Variants in UNC5C observed in about 807,000 individuals in gnomAD.
UNC5C encodes the protein netrin receptor UNC5C.
A neutral mutation model predicts 99.8 loss-of-function variants in UNC5C; 47 were observed. The observed-to-expected ratio is 0.47, with a 90% CI of 0.37 to 0.60. The LOEUF (loss-of-function observed/expected upper bound fraction) is 0.60. Ranked by LOEUF, UNC5C falls within the 20% of genes least tolerant of loss-of-function variation. The probability of loss-of-function intolerance (pLI) is 0.00; values close to 1 mark genes in which losing one functional copy is unlikely to be tolerated. For synonymous variants in UNC5C, 487 were observed against 452.2 expected (o/e 1.08, Z -0.98); for missense variants, 1,062 against 1,165.9 (o/e 0.91, Z 1.30).
intron 2 of UNC5C, among the ~76,000 whole-genome samples, chr4:95,328,062 A>ATTT (rs71583698): frequency 3.9e-4 from 34 of 86,596 alleles, no homozygotes; most frequent in Middle Eastern, 7.2e-3. Context: ...TTTTTTTTTA[A>ATTT]TTTTTTTTTT....
At chr4:95,431,814 C>T (rs946998938) in intron 1 of UNC5C, among the ~76,000 whole-genome samples, 1 of 152,004 alleles carries the variant, frequency 6.6e-6, no homozygotes, top group Admixed American at 6.6e-5. Flanking sequence ...TGCTGAAACA[C>T]AGGGGACTTA....
chr4:95,250,960 T>C (rs2149382141), intron 4 of UNC5C, among the ~76,000 whole-genome samples: 1 of 152,356 alleles, frequency 6.6e-6, no homozygotes, highest in Middle Eastern at 3.4e-3. Context: ...CAAATTGTTT[T>C]CACTTTGCCC....
At position 95,336,888 on chromosome 4, in the gene UNC5C, T is replaced by A. The variant is rs116055154; in HGVS notation, c.125-1257A>T. Among the ~76,000 whole-genome samples the A allele has an allele frequency of 4.9e-3, 741 of 152,082 alleles. 5 individuals carry two copies. The highest frequency in any genetic ancestry group is 0.017 in the African/African-American group (710 of 41,562). On this transcript the variant is annotated intron_variant, in intron 1 of 15. Transcript: ENST00000453304. ...GGCATCATTTCTAGTTTTTCCATTG[T>A]TGAACATCAAGGACCAAAATTGTCA...
chr4:95,195,840 G>A (rs987009793), intron 12 of UNC5C, among the ~76,000 whole-genome samples: 2 of 151,238 alleles, frequency 1.3e-5, no homozygotes, highest in African/African-American at 4.9e-5. Flanking sequence ...CTCTATTACA[G>A]TTGGGATTAG....
intron 1 of UNC5C, among the ~76,000 whole-genome samples, chr4:95,342,820 C>T (rs1199885350): frequency 1.3e-5 from 2 of 151,830 alleles, no homozygotes; most frequent in Non-Finnish European, 2.9e-5. Flanking sequence ...AGAGTCACCA[C>T]AAGCTGACTG....
In UNC5C at chr4:95,236,081, T is replaced by C. The variant is rs541131494; in HGVS notation, c.1108+6348A>G. ...CCATTTGACCCAACCATCCCATTAC[T>C]GGGTATATACCCAAAGGATTATAAA... On this transcript the variant is annotated intron_variant, in intron 7 of 15. Transcript: ENST00000453304. Among the ~76,000 whole-genome samples the C allele has an allele frequency of 3.3e-3, 505 of 152,340 alleles. 1 individual carries two copies. Among genetic ancestry groups the C allele is most frequent in the Admixed American group, 5.5e-3 (84 of 15,298 alleles).
chr4:95,233,538 T>C (rs1738989536), intron 7 of UNC5C, among the ~76,000 whole-genome samples: 1 of 3,310 alleles, frequency 3.0e-4, no homozygotes, highest in South Asian at 0.029. Flanking sequence ...ATATATATAG[T>C]ATTGAATTGC....
chr4:95,350,306 G>A (rs551969438), intron 1 of UNC5C, among the ~76,000 whole-genome samples: 1 of 152,124 alleles, frequency 6.6e-6, no homozygotes, highest in Admixed American at 6.6e-5. Context: ...GCCAAACATG[G>A]TGAAACCCCA....
intron 1 of UNC5C, among the ~76,000 whole-genome samples, chr4:95,456,941 T>G (rs1055622492): frequency 6.6e-6 from 1 of 152,114 alleles, no homozygotes; most frequent in Non-Finnish European, 1.5e-5. Flanking sequence ...TTAAGTAACA[T>G]GGGCAATAAG....
At chr4:95,361,763 A>G (rs1744400368) in intron 1 of UNC5C, among the ~76,000 whole-genome samples, 1 of 152,192 alleles carries the variant, frequency 6.6e-6, no homozygotes, top group South Asian at 2.1e-4. Context: ...GCTTCTACCT[A>G]CTTGTATGAT....
At chr4:95,413,050 G>A (rs1244317704) in intron 1 of UNC5C, among the ~76,000 whole-genome samples, 4 of 152,030 alleles carry the variant, frequency 2.6e-5, no homozygotes, top group Non-Finnish European at 5.9e-5. Context: ...AAACATATTG[G>A]TAAGCAAAGA....
chr4:95,288,348 G>T (rs935091694), intron 3 of UNC5C, among the ~76,000 whole-genome samples: 3 of 152,064 alleles, frequency 2.0e-5, no homozygotes, highest in African/African-American at 7.2e-5. Context: ...CTCCCAAACT[G>T]CTGGGATTAC....
intron 6 of UNC5C, 126 bp downstream of exon 6, chr4:95,244,851 G>A: frequency 4.7e-6 from 6 of 1,273,584 alleles, no homozygotes; most frequent in Non-Finnish European, 5.6e-6. Flanking sequence ...TAAACAGTGA[G>A]TAGGATGGAT....
At chr4:95,547,793 C>T (rs1315409399) in intron 1 of UNC5C, among the ~76,000 whole-genome samples, 2 of 152,200 alleles carry the variant, frequency 1.3e-5, no homozygotes, top group Admixed American at 1.3e-4. Flanking sequence ...GGAGCTGCTG[C>T]TAACACTTCA....
chr4:95,297,767 A>G (rs1310769076), intron 3 of UNC5C, among the ~76,000 whole-genome samples: 1 of 152,208 alleles, frequency 6.6e-6, no homozygotes, highest in Non-Finnish European at 1.5e-5. Context: ...AGGTCTCAAC[A>G]AAAGCTGTTA....
intron 1 of UNC5C, among the ~76,000 whole-genome samples, chr4:95,365,842 A>T (rs1468068922): frequency 6.6e-6 from 1 of 152,098 alleles, no homozygotes; most frequent in Non-Finnish European, 1.5e-5. Context: ...CTCATCTACC[A>T]GGTGTTATTT....
At chr4:95,173,973 A>G (rs1358533388) in intron 14 of UNC5C, among the ~76,000 whole-genome samples, 3 of 151,284 alleles carry the variant, frequency 2.0e-5, no homozygotes, top group Non-Finnish European at 2.9e-5. Flanking sequence ...GTCTTGGGAG[A>G]GTGTATGTGT....
At chr4:95,504,048 T>G (rs1170713879) in intron 1 of UNC5C, among the ~76,000 whole-genome samples, 1 of 152,116 alleles carries the variant, frequency 6.6e-6, no homozygotes, top group Non-Finnish European at 1.5e-5. Context: ...TCCTAAACAC[T>G]TATTTCCTAC....
chr4:95,425,265 G>A (rs1463266139), intron 1 of UNC5C, among the ~76,000 whole-genome samples: 2 of 152,162 alleles, frequency 1.3e-5, no homozygotes, highest in Non-Finnish European at 2.9e-5. Flanking sequence ...ACAGCCCATA[G>A]GCCATAAGAC....
Sources: allele counts gnomAD v4.1 joint callset (sites outside exome capture counted in the v4.1 genomes callset), GRCh38; gene constraint gnomAD v4.1.1; transcripts MANE v1.5; gene names NCBI Gene and HGNC (gene_info 2026-07-23, HGNC 2026-07-21).